The following CFAP54 variants were observed in gnomAD, a reference collection of about 807,000 sequenced individuals.
CFAP54 encodes cilia and flagella associated protein 54, also known as cilia- and flagella-associated protein 54.
Under a neutral mutation model 370.4 loss-of-function variants are expected in CFAP54, and 290 were observed. The observed-to-expected ratio is 0.78, with a 90% CI of 0.71 to 0.86. The LOEUF (loss-of-function observed/expected upper bound fraction) is 0.86. Ranked by LOEUF, CFAP54 falls within the 40% of genes least tolerant of loss-of-function variation. CFAP54 has a pLI of 0.00. For missense variants in CFAP54, 3,399 were observed against 3,528.7 expected (o/e 0.96, Z 0.93); for synonymous variants, 1,206 against 1,236.5 (o/e 0.98, Z 0.52).
chr12:96,668,101 A>G (rs1342757149), intron 39 of CFAP54, among the ~76,000 whole-genome samples: 3 of 152,178 alleles, frequency 2.0e-5, no homozygotes, highest in East Asian at 1.9e-4. Flanking sequence ...GCCATTCAAC[A>G]AGTCTCTAGG....
In CFAP54 at chr12:96,685,179, G is replaced by T. The variant is rs1024642370; in HGVS notation, c.5955G>T (p.Leu1985=). The T allele has an allele frequency of 6.2e-7, 1 of 1,614,000 alleles. No homozygotes were observed. Among genetic ancestry groups the T allele is most frequent in the African/African-American group, 1.3e-5 (1 of 74,912 alleles). The change falls in exon 42 of 68, where the codon CTG becomes CTT. Residue 1985 remains leucine, a synonymous_variant. Coordinates refer to ENST00000524981, the MANE Select transcript of CFAP54 (RefSeq NM_001306084.2). ...TCAAAGACTACAGTGAGGAGTTTCT[G>T]TCAAGAGTTGGCATCTGGGGGTGTT... is the stretch of plus-strand genomic sequence containing the variant. ...PGFKDYSEEF[L]SRVGIWGCLQ... is the part of the protein sequence containing the mutation.
At chr12:96,741,986 G>C in intron 51 of CFAP54, among the ~76,000 whole-genome samples, 1 of 152,118 alleles carries the variant, frequency 6.6e-6, no homozygotes, top group East Asian at 1.9e-4. Context: ...ATACCTCTTT[G>C]GCTGTTAGGA....
chr12:96,661,248 G>C (rs1291807814), intron 38 of CFAP54, among the ~76,000 whole-genome samples: 2 of 152,072 alleles, frequency 1.3e-5, no homozygotes, highest in African/African-American at 4.8e-5. Context: ...GCTACCTAGG[G>C]GTTGCCAGCC....
chr12:96,651,472 C>T (rs941015871), intron 35 of CFAP54, 116 bp from the exon 36 acceptor site: 15 of 795,300 alleles, frequency 1.9e-5, no homozygotes, highest in African/African-American at 1.7e-4. Flanking sequence ...GTGACCCTAA[C>T]AAATGATGTT....
chr12:96,806,796 C>T (rs1958887484), intron 63 of CFAP54, among the ~76,000 whole-genome samples: 1 of 152,038 alleles, frequency 6.6e-6, no homozygotes, highest in African/African-American at 2.4e-5. Flanking sequence ...AAAATAACAT[C>T]CAGCTTCAGG....
At chr12:96,603,115 T>C (rs1398520056) in intron 26 of CFAP54, among the ~76,000 whole-genome samples, 1 of 152,242 alleles carries the variant, frequency 6.6e-6, no homozygotes, top group African/African-American at 2.4e-5. Flanking sequence ...TTTCTATGTT[T>C]AGTGCTTCCT....
At chr12:96,761,175 G>A (rs563304224) in intron 58 of CFAP54, among the ~76,000 whole-genome samples, 1 of 152,190 alleles carries the variant, frequency 6.6e-6, no homozygotes, top group South Asian at 2.1e-4. Flanking sequence ...GGTATGAAGT[G>A]GTATCTCACT....
intron 8 of CFAP54, among the ~76,000 whole-genome samples, chr12:96,526,946 G>A (rs1047943925): frequency 1.4e-5 from 2 of 142,934 alleles, no homozygotes; most frequent in South Asian, 2.2e-4. Flanking sequence ...CCAGGCTGGA[G>A]TGCAGTGGCA....
chr12:96,541,135 T>C, intron 14 of CFAP54, 148 bp downstream of exon 14: 1 of 471,422 alleles, frequency 2.1e-6, no homozygotes, highest in Non-Finnish European at 3.5e-6. Flanking sequence ...GATAATAAGA[T>C]AGTTTCATCA....
intron 63 of CFAP54, among the ~76,000 whole-genome samples, chr12:96,796,041 C>A (rs1958757945): frequency 6.6e-6 from 1 of 152,198 alleles, no homozygotes; most frequent in African/African-American, 2.4e-5. Context: ...TCACATCCTT[C>A]TCCTGTGATA....
At chr12:96,847,447 G>A (rs1033250906) in intron 66 of CFAP54, among the ~76,000 whole-genome samples, 1 of 152,132 alleles carries the variant, frequency 6.6e-6, no homozygotes, top group Admixed American at 6.5e-5. Flanking sequence ...TAAATCATCA[G>A]CTATTGGTGA....
chr12:96,751,808 G>T (rs982759550), intron 55 of CFAP54, among the ~76,000 whole-genome samples: 1 of 151,952 alleles, frequency 6.6e-6, no homozygotes, highest in Non-Finnish European at 1.5e-5. Flanking sequence ...ATAAAATGTG[G>T]GTGAGTGCCA....
At position 96,792,323 on chromosome 12, in the gene CFAP54, C is replaced by A; in HGVS notation, c.8680-6C>A. The A allele has an allele frequency of 6.7e-7, 1 of 1,493,808 alleles. No individual in the cohort carries two copies. Among genetic ancestry groups the A allele is most frequent in the South Asian group, 1.3e-5 (1 of 76,092 alleles). The allele number at this position is 1,493,808 out of a possible 1,614,324, so 92.5% of individuals were successfully genotyped here. On this transcript the variant is annotated splice_polypyrimidine_tract_variant and splice_region_variant and intron_variant, in intron 62 of 67. Coordinates refer to ENST00000524981, the MANE Select transcript of CFAP54 (RefSeq NM_001306084.2). ...AATTAAACTGATGTTTTTGTTTGTTCCCTAGTTGTATCGCGATAGTTCTGT... is the reference window on the plus strand; with the variant it reads ...AATTAAACTGATGTTTTTGTTTGTTACCTAGTTGTATCGCGATAGTTCTGT...
intron 60 of CFAP54, among the ~76,000 whole-genome samples, chr12:96,783,158 A>C (rs976415894): frequency 7.9e-5 from 12 of 152,222 alleles, no homozygotes; most frequent in Non-Finnish European, 1.5e-4. Context: ...GTTATGTAAT[A>C]TATATGTTTA....
intron 66 of CFAP54, among the ~76,000 whole-genome samples, chr12:96,842,833 A>C (rs953230554): frequency 6.6e-6 from 1 of 152,124 alleles, no homozygotes. Flanking sequence ...TAACTGACAA[A>C]GGCTAATTGT....
chr12:96,812,375 A>G (rs866392180), intron 64 of CFAP54, among the ~76,000 whole-genome samples: 2 of 152,034 alleles, frequency 1.3e-5, no homozygotes, highest in East Asian at 1.9e-4. Context: ...CTCCCTCTCC[A>G]TCAAACAGGT....
intron 22 of CFAP54, among the ~76,000 whole-genome samples, chr12:96,583,838 C>T (rs1350401908): frequency 6.6e-6 from 1 of 152,200 alleles, no homozygotes; most frequent in Admixed American, 6.5e-5. Context: ...TCTCTCCAAT[C>T]TATTAAGTGA....
At chr12:96,493,643 A>G (rs1954912206) in intron 1 of CFAP54, among the ~76,000 whole-genome samples, 2 of 151,986 alleles carry the variant, frequency 1.3e-5, no homozygotes, top group Admixed American at 1.3e-4. Context: ...CTAAAAATAC[A>G]AAAAATTAGT....
rs370289465 is a variant in CFAP54 at position 96,720,607 on chromosome 12, A to G, written c.6965+42A>G. 70 of 1,333,798 alleles carry G rather than the reference A, an allele frequency of 5.2e-5. No individual in the cohort carries two copies. In the African/African-American group the frequency reaches 7.7e-4, roughly 15 times the overall value. The allele number at this position is 1,333,798 out of a possible 1,614,324, so 82.6% of individuals were successfully genotyped here. A position where few individuals can be genotyped will look rare whatever the true frequency, so the allele number is the denominator to read the frequency against. ...ACAGGGGAGGGATACCTTTGAAGAG[A>G]GTTCCTTCACCCTAGTTTATTAAAT... On this transcript the variant is annotated intron_variant, in intron 50 of 67. Coordinates refer to ENST00000524981, the MANE Select transcript of CFAP54 (RefSeq NM_001306084.2).
Sources: gnomAD v4.1 joint callset for allele counts (sites outside exome capture counted in the v4.1 genomes callset) on GRCh38, gnomAD v4.1.1 for gene constraint, MANE v1.5 for transcripts, NCBI Gene and HGNC (gene_info 2026-07-23, HGNC 2026-07-21) for gene names.